Variants in PDE4D observed in about 807,000 individuals in gnomAD.
PDE4D encodes phosphodiesterase 4D, also known as 3',5'-cyclic-AMP phosphodiesterase 4D.
Under a neutral mutation model 87.4 loss-of-function variants are expected in PDE4D, and 24 were observed. The ratio of observed to expected loss-of-function variants is 0.27; its 90% CI spans 0.20 to 0.39. The LOEUF (loss-of-function observed/expected upper bound fraction) is 0.39, where lower values mean the gene tolerates loss of function less well. Ranked by LOEUF, PDE4D falls within the 10% of genes least tolerant of loss-of-function variation. The pLI is 1.00. For missense variants in PDE4D, 714 were observed against 1,041.0 expected (o/e 0.69, Z 4.32); for synonymous variants, 384 against 383.2 (o/e 1.00, Z -0.02).
At chr5:59,584,699 T>G (rs114488299) in intron 1 of PDE4D, among the ~76,000 whole-genome samples, 6 of 152,334 alleles carry the variant, frequency 3.9e-5, no homozygotes, top group Non-Finnish European at 7.3e-5. Flanking sequence ...GGATCCTATG[T>G]ATTACAACAT....
At chr5:59,206,716 T>C (rs1258617544) in intron 2 of PDE4D, among the ~76,000 whole-genome samples, 3 of 152,182 alleles carry the variant, frequency 2.0e-5, no homozygotes, top group Non-Finnish European at 4.4e-5. Context: ...TGGCATGGAG[T>C]AGGTGCTACT....
chr5:59,652,914 T>C (rs1341053732), intron 1 of PDE4D, among the ~76,000 whole-genome samples: 4 of 152,110 alleles, frequency 2.6e-5, no homozygotes, highest in Non-Finnish European at 5.9e-5. Context: ...AGTGATTCTC[T>C]CCATGCCAAG....
intron 1 of PDE4D, among the ~76,000 whole-genome samples, chr5:59,368,345 T>C (rs1176936179): frequency 1.3e-5 from 2 of 152,164 alleles, no homozygotes; most frequent in Admixed American, 6.5e-5. Flanking sequence ...GGGGACTACA[T>C]TAAAAATCAA....
At chr5:59,327,068 T>C (rs1043390435) in intron 1 of PDE4D, among the ~76,000 whole-genome samples, 2 of 151,462 alleles carry the variant, frequency 1.3e-5, no homozygotes, top group African/African-American at 4.9e-5. Flanking sequence ...CTTTGAGAAA[T>C]ATCTATGGAA....
intron 1 of PDE4D, chr5:59,430,445 C>A (rs1795940385): frequency 8.1e-7 from 1 of 1,230,486 alleles, no homozygotes; most frequent in African/African-American, 1.6e-5. Flanking sequence ...GAAGTAAAAG[C>A]AAATCTGAGT....
At chr5:59,781,536 C>T (rs1764622670) in intron 1 of PDE4D, among the ~76,000 whole-genome samples, 1 of 151,888 alleles carries the variant, frequency 6.6e-6, no homozygotes, top group Admixed American at 6.6e-5. Flanking sequence ...GCTTGTAATC[C>T]CAGCACTTTG....
At chr5:60,273,404 A>G (rs1751019850) in intron 1 of PDE4D, among the ~76,000 whole-genome samples, 1 of 152,192 alleles carries the variant, frequency 6.6e-6, no homozygotes. Context: ...TTGGAAGGTG[A>G]GCAAGCACCA....
chr5:59,202,077 C>T (rs1407415215), intron 2 of PDE4D, among the ~76,000 whole-genome samples: 1 of 120,320 alleles, frequency 8.3e-6, no homozygotes, highest in African/African-American at 3.2e-5. Flanking sequence ...CTCACTCTGT[C>T]GCCCAGGCTG....
At chr5:59,852,499 A>G (rs1003667482) in intron 1 of PDE4D, among the ~76,000 whole-genome samples, 2 of 152,072 alleles carry the variant, frequency 1.3e-5, no homozygotes, top group Non-Finnish European at 2.9e-5. Flanking sequence ...GCAGGCACTA[A>G]TGTGCCAGCC....
intron 2 of PDE4D, among the ~76,000 whole-genome samples, chr5:60,142,226 G>A (rs1780594987): frequency 6.8e-6 from 1 of 147,678 alleles, no homozygotes; most frequent in Non-Finnish European, 1.5e-5. Context: ...GGGAGAGAGG[G>A]AGGGAGGGAG....
At chr5:59,104,095 G>A (rs904844385) in intron 5 of PDE4D, among the ~76,000 whole-genome samples, 2 of 152,086 alleles carry the variant, frequency 1.3e-5, no homozygotes, top group Non-Finnish European at 2.9e-5. Flanking sequence ...TTTGTTTTCT[G>A]AATTTTACTT....
upstream of PDE4D, among the ~76,000 whole-genome samples, chr5:59,897,783 G>A (rs962840035): frequency 2.0e-5 from 3 of 152,110 alleles, no homozygotes; most frequent in African/African-American, 7.2e-5. Context: ...ATGCCCAACA[G>A]TCAGCTTAAA....
intron 1 of PDE4D, among the ~76,000 whole-genome samples, chr5:59,737,497 G>C (rs542637400): frequency 6.6e-6 from 1 of 152,052 alleles, no homozygotes; most frequent in African/African-American, 2.4e-5. Flanking sequence ...TATAAAGAAA[G>C]AGTTGACATA....
At chr5:60,201,129 T>C (rs762175431) in intron 1 of PDE4D, among the ~76,000 whole-genome samples, 1 of 143,736 alleles carries the variant, frequency 7.0e-6, no homozygotes, top group Admixed American at 6.9e-5. Flanking sequence ...ATCATAAATA[T>C]TGAAAATGAT....
chr5:59,193,477 C>G, intron 3 of PDE4D, 23 bp downstream of exon 3: 1 of 1,608,484 alleles, frequency 6.2e-7, no homozygotes, highest in Non-Finnish European at 8.5e-7. Flanking sequence ...GAGAAACCTG[C>G]CCATTCACCA....
chr5:59,060,033 T>C (rs1762903337), intron 5 of PDE4D, among the ~76,000 whole-genome samples: 1 of 152,188 alleles, frequency 6.6e-6, no homozygotes, highest in African/African-American at 2.4e-5. Context: ...GAGTTGGTAG[T>C]AGAAGCGTTA....
At chr5:59,340,465 A>G (rs1778524784) in intron 1 of PDE4D, among the ~76,000 whole-genome samples, 1 of 152,188 alleles carries the variant, frequency 6.6e-6, no homozygotes, top group Non-Finnish European at 1.5e-5. Context: ...AAGGCATACA[A>G]TGCCTAATAA....
At chr5:60,090,606 C>T (rs2152911231) in intron 2 of PDE4D, among the ~76,000 whole-genome samples, 1 of 152,138 alleles carries the variant, frequency 6.6e-6, no homozygotes, top group East Asian at 1.9e-4. Flanking sequence ...TTCTTTCTTC[C>T]AAGATCTGAA....
At chr5:59,149,987 A>G (rs915799776) in intron 5 of PDE4D, among the ~76,000 whole-genome samples, 1 of 152,158 alleles carries the variant, frequency 6.6e-6, no homozygotes, top group Non-Finnish European at 1.5e-5. Context: ...GGCATTTCAA[A>G]TTTGAATGAA....
Sources: allele counts gnomAD v4.1 joint callset (sites outside exome capture counted in the v4.1 genomes callset), GRCh38; gene constraint gnomAD v4.1.1; transcripts MANE v1.5; gene names NCBI Gene and HGNC (gene_info 2026-07-23, HGNC 2026-07-21).